ZNF519: variants seen among roughly 807,000 people sequenced by gnomAD.
ZNF519 encodes similar to Zinc finger protein 85 (Zinc finger protein HPF4) (HTF1).
Under a neutral mutation model 7.4 loss-of-function variants are expected in ZNF519, and 7 were observed. That is an observed-to-expected ratio of 0.94 (90% CI 0.54 to 1.77). The LOEUF (loss-of-function observed/expected upper bound fraction) is 1.77, where lower values mean the gene tolerates loss of function less well. Among genes scored for constraint, ZNF519 ranks in the 40% most tolerant of loss-of-function variants. ZNF519 has a pLI of 0.00. For missense variants in ZNF519, 586 were observed against 623.1 expected, an observed-to-expected ratio of 0.94 and a Z score of 0.63; for synonymous variants, 179 against 203.3, an observed-to-expected ratio of 0.88 and a Z score of 1.02.
At chr18:14,096,832 C>T (rs1328364956), downstream of ZNF519, among the ~76,000 whole-genome samples, 1 of 152,222 alleles carries the variant, frequency 6.6e-6, no homozygotes, top group Admixed American at 6.5e-5. Flanking sequence ...TTGCCCACTG[C>T]TCCCAGGTAT....
chr18:14,071,420 A>G (rs1381712204), downstream of ZNF519: 1 of 152,330 alleles, frequency 6.6e-6, no homozygotes, highest in South Asian at 2.1e-4. Flanking sequence ...TAGCATGAAA[A>G]GACAAGAAAT....
chr18:14,092,192 C>A (rs1486121255), intron 2 of ZNF519, among the ~76,000 whole-genome samples: 1 of 151,910 alleles, frequency 6.6e-6, no homozygotes, highest in Non-Finnish European at 1.5e-5. Context: ...AGGCAGAGAC[C>A]CTGAGACTTG....
Position 14,103,090 on chromosome 18 carries a change from C to T in ZNF519, c.*1827G>A, listed in dbSNP as rs181517009. ...TATAAATAGATTAAATAATCAAATC[C>T]ATTATTTGGAGTTTATCAGAAGTAT... On this transcript the variant is annotated 3_prime_UTR_variant, in exon 3 of 3. Transcript: ENST00000590202. 1 of 152,094 alleles carries T rather than the reference C, an allele frequency of 6.6e-6. No homozygotes were observed. Among genetic ancestry groups the T allele is most frequent in the East Asian group, 1.9e-4 (1 of 5,184 alleles). 9.4% of individuals were successfully genotyped at this position (152,094 alleles called of 1,614,324 possible).
intron 2 of ZNF519, among the ~76,000 whole-genome samples, chr18:14,109,280 C>T (rs2046209840): frequency 6.6e-6 from 1 of 152,016 alleles, no homozygotes; most frequent in Admixed American, 6.5e-5. Flanking sequence ...ACTGCAACAC[C>T]CCACTTTCAG....
At chr18:14,084,772 G>C (rs1486198191) in intron 3 of ZNF519, 1 of 152,274 alleles carries the variant, frequency 6.6e-6, no homozygotes, top group East Asian at 1.9e-4. Flanking sequence ...CATGTAAATA[G>C]GACTATGAAA....
intron 2 of ZNF519, among the ~76,000 whole-genome samples, chr18:14,121,143 G>C (rs930024355): frequency 6.6e-6 from 1 of 152,102 alleles, no homozygotes; most frequent in Non-Finnish European, 1.5e-5. Context: ...ACTCATAGAA[G>C]CAGAGAGTAG....
chr18:14,104,800 G>T lies in ZNF519; in HGVS notation c.*117C>A. The T allele has an allele frequency of 8.7e-7, 1 of 1,146,980 alleles. No homozygotes were observed. The highest frequency in any genetic ancestry group is 1.2e-6 in the Non-Finnish European group (1 of 849,416). The allele number at this position is 1,146,980 out of a possible 1,614,324, so 71.1% of individuals were successfully genotyped here. A position where few individuals can be genotyped will look rare whatever the true frequency, so the allele number is the denominator to read the frequency against. On this transcript the variant is annotated 3_prime_UTR_variant, in exon 3 of 3. Coordinates refer to ENST00000590202, the MANE Select transcript of ZNF519 (RefSeq NM_145287.4). ...CTAATTTTTATTTAATCTTCATTTTGATGTTTCAAAAATCATTACACATAT... is the reference window on the plus strand; with the variant it reads ...CTAATTTTTATTTAATCTTCATTTTTATGTTTCAAAAATCATTACACATAT...
At chr18:14,087,935 C>T (rs1203699113) in intron 2 of ZNF519, among the ~76,000 whole-genome samples, 1 of 152,112 alleles carries the variant, frequency 6.6e-6, no homozygotes, top group Non-Finnish European at 1.5e-5. Context: ...GGACAACATG[C>T]CCCACCTTGT....
At chr18:14,109,116 T>C (rs1399550011) in intron 2 of ZNF519, among the ~76,000 whole-genome samples, 3 of 141,602 alleles carry the variant, frequency 2.1e-5, no homozygotes, top group South Asian at 2.2e-4. Context: ...AAACTCCGTC[T>C]CAAAAAAAAA....
chr18:14,122,954 G>A lies in ZNF519; in HGVS notation c.130+1396C>T, dbSNP rs1467386927. Among the ~76,000 whole-genome samples the A allele has an allele frequency of 2.2e-3, 242 of 110,900 alleles. 1 individual carries two copies. The highest frequency in any genetic ancestry group is 9.4e-3 in the Middle Eastern group (1 of 106). The allele number at this position is 110,900 out of a possible 152,430, so 72.8% of individuals were successfully genotyped here. A position where few individuals can be genotyped will look rare whatever the true frequency, so the allele number is the denominator to read the frequency against. The stretch of plus-strand genomic sequence containing the variant: ...CTCCCCCCACCCCACGACAGGCCCC[G>A]GTGTGTGATGTTCCCCTTCCTGTGT... On this transcript the variant is annotated intron_variant, in intron 2 of 2. Transcript: ENST00000590202.
intron 2 of ZNF519, among the ~76,000 whole-genome samples, chr18:14,113,399 C>A (rs140467321): frequency 6.6e-6 from 1 of 152,308 alleles, no homozygotes; most frequent in East Asian, 1.9e-4. Context: ...TCCCTCCCTG[C>A]TTTGAGTTGT....
At position 14,126,730 on chromosome 18, in the gene ZNF519, T is replaced by C. The variant is rs376958732; in HGVS notation, c.4-2254A>G. Reference sequence around the variant, plus strand: ...AACCAGAAAACTGAAGCAACTCCCATCTGGGTACAAATCAAGGAAATTATT... The same window carrying C: ...AACCAGAAAACTGAAGCAACTCCCACCTGGGTACAAATCAAGGAAATTATT... On this transcript the variant is annotated intron_variant, in intron 1 of 2. Coordinates refer to ENST00000590202, the MANE Select transcript of ZNF519 (RefSeq NM_145287.4). Among the ~76,000 whole-genome samples, 93 of 152,278 alleles carry C rather than the reference T, an allele frequency of 6.1e-4. 2 individuals carry two copies. In the East Asian group the frequency reaches 0.015, roughly 24 times the overall value.
At chr18:14,119,088 A>G (rs1256342589) in intron 2 of ZNF519, among the ~76,000 whole-genome samples, 1 of 152,322 alleles carries the variant, frequency 6.6e-6, no homozygotes, top group South Asian at 2.1e-4. Flanking sequence ...AAGGAAATCT[A>G]ATCTTTCCAG....
At chr18:14,114,154 T>C (rs1168682154) in intron 2 of ZNF519, among the ~76,000 whole-genome samples, 3 of 152,182 alleles carry the variant, frequency 2.0e-5, no homozygotes, top group South Asian at 2.1e-4. Context: ...GTGATTCCAT[T>C]TGTCCATTTT....
At chr18:14,111,471 C>T (rs2046220374) in intron 2 of ZNF519, among the ~76,000 whole-genome samples, 2 of 142,680 alleles carry the variant, frequency 1.4e-5, no homozygotes, top group Admixed American at 1.4e-4. Flanking sequence ...CAAGCCACTG[C>T]ACCCCAGCCT....
At chr18:14,078,029 C>A (rs1326007581) in intron 4 of ZNF519, among the ~76,000 whole-genome samples, 1 of 152,138 alleles carries the variant, frequency 6.6e-6, no homozygotes, top group Non-Finnish European at 1.5e-5. Context: ...CGGGATAAAA[C>A]TGTTCCACCT....
intron 2 of ZNF519, among the ~76,000 whole-genome samples, chr18:14,094,672 G>T (rs1243998110): frequency 6.6e-6 from 1 of 152,110 alleles, no homozygotes; most frequent in African/African-American, 2.4e-5. Flanking sequence ...CATTGGATTT[G>T]GTTTTCTAGT....
chr18:14,087,366 G>T (rs2046095202), intron 2 of ZNF519, among the ~76,000 whole-genome samples: 1 of 152,100 alleles, frequency 6.6e-6, no homozygotes, highest in Admixed American at 6.6e-5. Flanking sequence ...AGAAATAAAA[G>T]GCACAGCTGC....
At chr18:14,088,740 A>G (rs985113067) in intron 2 of ZNF519, among the ~76,000 whole-genome samples, 2 of 152,212 alleles carry the variant, frequency 1.3e-5, no homozygotes, top group African/African-American at 4.8e-5. Context: ...CGGTGAAATC[A>G]CCATAATTAC....
Sources: allele counts gnomAD v4.1 joint callset (sites outside exome capture counted in the v4.1 genomes callset), GRCh38; gene constraint gnomAD v4.1.1; transcripts MANE v1.5; gene names NCBI Gene and HGNC (gene_info 2026-07-23, HGNC 2026-07-21).